The following FAF1 variants were observed in gnomAD, a reference collection of about 807,000 sequenced individuals.
FAF1 encodes the protein Fas associated factor 1, also known as FAS-associated factor 1.
In FAF1, 25 loss-of-function variants were observed where a neutral mutation model predicts 92.5. That is an observed-to-expected ratio of 0.27 (90% CI 0.20 to 0.38). The LOEUF (loss-of-function observed/expected upper bound fraction) is 0.38. Ranked by LOEUF, FAF1 falls within the 10% of genes least tolerant of loss-of-function variation. The pLI is 1.00. For missense variants in FAF1, 636 were observed against 793.3 expected, an observed-to-expected ratio of 0.80 and a Z score of 2.38; for synonymous variants, 234 against 273.2, an observed-to-expected ratio of 0.86 and a Z score of 1.42.
At position 50,894,264 on chromosome 1, in the gene FAF1, A is replaced by G. The variant is rs1644741185; in HGVS notation, c.46-36267T>C. On this transcript the variant is annotated intron_variant, in intron 1 of 18. Transcript: ENST00000396153. Reference sequence around the variant, plus strand: ...CAGTGAGCCAAGATCACACGACTGCACTCCAGTCTGGGTGAGACAGAGAGA... The same window carrying G: ...CAGTGAGCCAAGATCACACGACTGCGCTCCAGTCTGGGTGAGACAGAGAGA... Among the ~76,000 whole-genome samples the G allele has an allele frequency of 2.1e-5, 3 of 144,514 alleles. No homozygotes were observed. The South Asian group carries it at 6.7e-4, about 32-fold the overall frequency. 94.8% of individuals were successfully genotyped at this position (144,514 alleles called of 152,430 possible). A position where few individuals can be genotyped will look rare whatever the true frequency, so the allele number is the denominator to read the frequency against.
intron 7 of FAF1, among the ~76,000 whole-genome samples, chr1:50,705,134 C>G (rs971559849): frequency 1.3e-5 from 2 of 152,190 alleles, no homozygotes. Context: ...ATGTTCCCCC[C>G]ACCCTCCATG....
At chr1:50,498,344 G>A (rs900606818) in intron 15 of FAF1, among the ~76,000 whole-genome samples, 5 of 152,088 alleles carry the variant, frequency 3.3e-5, no homozygotes, top group Non-Finnish European at 7.4e-5. Context: ...CATGACCATG[G>A]ATTAGGCAAT....
At chr1:50,959,387 G>T (rs150863845) in intron 1 of FAF1, among the ~76,000 whole-genome samples, 1 of 151,686 alleles carries the variant, frequency 6.6e-6, no homozygotes, top group African/African-American at 2.4e-5. Context: ...CACGCTCCAC[G>T]CTCACACTCC....
chr1:50,900,151 T>C (rs181744654), intron 1 of FAF1, among the ~76,000 whole-genome samples: 4 of 152,310 alleles, frequency 2.6e-5, no homozygotes, highest in Non-Finnish European at 2.9e-5. Flanking sequence ...GGAAACTGTA[T>C]ACATTCTCTC....
chr1:50,512,204 T>A (rs1380950774), intron 15 of FAF1, among the ~76,000 whole-genome samples: 1 of 152,256 alleles, frequency 6.6e-6, no homozygotes, highest in Non-Finnish European at 1.5e-5. Context: ...TTCATTCTGA[T>A]GATAGGTTCT....
At chr1:50,534,419 A>T (rs1220986863) in intron 15 of FAF1, among the ~76,000 whole-genome samples, 1 of 152,058 alleles carries the variant, frequency 6.6e-6, no homozygotes, top group Non-Finnish European at 1.5e-5. Flanking sequence ...AGTAGCTGGG[A>T]TTACAAGCAC....
intron 4 of FAF1, among the ~76,000 whole-genome samples, chr1:50,775,348 T>A (rs1220507950): frequency 1.3e-5 from 2 of 152,074 alleles, no homozygotes; most frequent in South Asian, 2.1e-4. Flanking sequence ...GCTCTCTAAG[T>A]GTGAGGAGTT....
intron 7 of FAF1, among the ~76,000 whole-genome samples, chr1:50,668,273 T>C (rs1169319183): frequency 6.6e-6 from 1 of 152,190 alleles, no homozygotes. Flanking sequence ...GTTACATTTC[T>C]CTTCTCTCTG....
chr1:50,739,325 C>A (rs562573392), intron 5 of FAF1, among the ~76,000 whole-genome samples: 2 of 151,970 alleles, frequency 1.3e-5, no homozygotes, highest in African/African-American at 4.8e-5. Context: ...TACATGTGTA[C>A]ATGTGTACAC....
chr1:50,688,521 A>G (rs1010833844), intron 7 of FAF1, among the ~76,000 whole-genome samples: 2 of 152,130 alleles, frequency 1.3e-5, no homozygotes, highest in Non-Finnish European at 2.9e-5. Flanking sequence ...TAAAAAAATA[A>G]TAAAATTCCG....
At chr1:50,491,836 T>TTAAAAAAAAA in intron 15 of FAF1, 35 bp from the exon 16 acceptor site, 1 of 1,539,782 alleles carries the variant, frequency 6.5e-7, no homozygotes, top group Admixed American at 1.9e-5. Flanking sequence ...TTTTGACATA[T>TTAAAAAAAAA]AACTTTTTTT....
Position 50,882,705 on chromosome 1 carries a change from G to A in FAF1, c.46-24708C>T, listed in dbSNP as rs151161198. Among the ~76,000 whole-genome samples the A allele has an allele frequency of 3.3e-3, 501 of 151,880 alleles. 6 individuals are homozygous for A. The highest frequency in any genetic ancestry group is 0.011 in the African/African-American group (463 of 41,450). On this transcript the variant is annotated intron_variant, in intron 1 of 18. Transcript: ENST00000396153. ...ACAAACTAAAAATACTAGGTTAATG[G>A]CTGGGTGCGGTGGCTCACACCTGTA... is the stretch of plus-strand genomic sequence containing the variant.
At chr1:50,916,860 C>T (rs890260601) in intron 1 of FAF1, among the ~76,000 whole-genome samples, 1 of 152,066 alleles carries the variant, frequency 6.6e-6, no homozygotes, top group East Asian at 1.9e-4. Flanking sequence ...GGATTAGAAG[C>T]AAAAGACAGA....
At chr1:50,854,183 C>G (rs965351927) in intron 2 of FAF1, among the ~76,000 whole-genome samples, 1 of 151,982 alleles carries the variant, frequency 6.6e-6, no homozygotes, top group African/African-American at 2.4e-5. Flanking sequence ...CTCCCCTGAC[C>G]CAAATTCTTC....
chr1:50,697,787 TA>T (rs201261803), intron 7 of FAF1, among the ~76,000 whole-genome samples: 1 of 151,246 alleles, frequency 6.6e-6, no homozygotes, highest in South Asian at 2.1e-4. Flanking sequence ...CTTTTTTCTC[TA>T]AAAAAAAAGT....
chr1:50,587,547 A>G (rs1353340196), intron 9 of FAF1, among the ~76,000 whole-genome samples: 1 of 152,208 alleles, frequency 6.6e-6, no homozygotes, highest in Non-Finnish European at 1.5e-5. Context: ...ATGAGAATAG[A>G]TAATCTCTCG....
At chr1:50,727,804 C>G (rs1426705028) in intron 6 of FAF1, among the ~76,000 whole-genome samples, 1 of 152,286 alleles carries the variant, frequency 6.6e-6, no homozygotes, top group South Asian at 2.1e-4. Context: ...CAGGCCGACT[C>G]CAAGTTCTTC....
intron 15 of FAF1, among the ~76,000 whole-genome samples, chr1:50,509,987 G>A (rs749846876): frequency 6.6e-6 from 1 of 151,922 alleles, no homozygotes; most frequent in Non-Finnish European, 1.5e-5. Flanking sequence ...GGGCAACATG[G>A]TGAAACCCTG....
Position 50,584,803 on chromosome 1 carries a change from G to T in FAF1, c.849C>A (p.Thr283=). 1 of 1,612,530 alleles carries T rather than the reference G, an allele frequency of 6.2e-7. No individual in the cohort carries two copies. The stretch of plus-strand genomic sequence containing the variant: ...CGCTATCACTAACCATATGAACATC[G>T]GTGATTTGCTATTTAAGGAAAGTCC... ...QTREQSEEQI[T]DVHMVSDSDG... Residue 283 remains threonine, a synonymous_variant, in exon 10 of 19, where the codon ACC becomes ACA. Transcript: ENST00000396153.
Sources: allele counts gnomAD v4.1 joint callset (sites outside exome capture counted in the v4.1 genomes callset), GRCh38; gene constraint gnomAD v4.1.1; transcripts MANE v1.5; gene names NCBI Gene and HGNC (gene_info 2026-07-23, HGNC 2026-07-21).